Variants in RPGRIP1L observed in about 807,000 individuals in gnomAD.
RPGRIP1L encodes the protein protein fantom.
A neutral mutation model predicts 160.4 loss-of-function variants in RPGRIP1L; 131 were observed. The observed-to-expected ratio is 0.82, with a 90% confidence interval of 0.71 to 0.94. RPGRIP1L has a LOEUF of 0.94. Ranked by LOEUF, RPGRIP1L falls within the 40% of genes least tolerant of loss-of-function variation. The pLI, the probability that RPGRIP1L is intolerant of heterozygous loss-of-function variation, is 0.00. For synonymous variants in RPGRIP1L, 510 were observed against 515.8 expected (o/e 0.99, Z 0.15); for missense variants, 1,522 against 1,535.8 (o/e 0.99, Z 0.15).
At chr16:53,621,251 T>G (rs1174607965) in intron 23 of RPGRIP1L, among the ~76,000 whole-genome samples, 2 of 152,122 alleles carry the variant, frequency 1.3e-5, no homozygotes, top group Non-Finnish European at 2.9e-5. Context: ...TACATGCAAC[T>G]CTTTAAAGTT....
intron 6 of RPGRIP1L, among the ~76,000 whole-genome samples, chr16:53,683,310 C>T (rs1969741674): frequency 6.6e-6 from 1 of 151,534 alleles, no homozygotes; most frequent in African/African-American, 2.4e-5. Flanking sequence ...AAAAAAAAAT[C>T]CAGGGAAATA....
intron 17 of RPGRIP1L, among the ~76,000 whole-genome samples, chr16:53,642,089 C>T (rs1966255901): frequency 6.6e-6 from 1 of 151,976 alleles, no homozygotes. Context: ...ACAAAAGAAA[C>T]TTGAATCTGT....
chr16:53,645,892 C>G lies in RPGRIP1L; in HGVS notation c.2416G>C (p.Ala806Pro). 1 of 1,614,096 alleles carries G rather than the reference C, an allele frequency of 6.2e-7. No homozygotes were observed. The highest frequency in any genetic ancestry group is 8.5e-7 in the Non-Finnish European group (1 of 1,180,022). ...TATGGGTGTGGCTGCAGGTGGCTTG[C>G]TCGGGACTGCAGGTGGTTGCAACAT... ...IRCCNHLQSR[A>P]SHLQPHPYVV... is the part of the protein sequence containing the mutation. The change falls in exon 17 of 27, where the codon GCA becomes CCA. Residue 806 changes from alanine to proline, a missense_variant. Ala to Pro is a conservative substitution (Grantham distance 27). Transcript: ENST00000647211.
chr16:53,642,447 C>T (rs1966286802), intron 17 of RPGRIP1L, among the ~76,000 whole-genome samples: 1 of 151,404 alleles, frequency 6.6e-6, no homozygotes, highest in Non-Finnish European at 1.5e-5. Flanking sequence ...AAAAAAAAAC[C>T]TCCCAAACTC....
chr16:53,679,204 ACC>A (rs796356631), intron 6 of RPGRIP1L, among the ~76,000 whole-genome samples: 1 of 152,088 alleles, frequency 6.6e-6, no homozygotes, highest in African/African-American at 2.4e-5. Context: ...TACTCTTACC[ACC>A]CACAGGAATG....
At chr16:53,602,739 A>G (rs1963447488) in intron 26 of RPGRIP1L, among the ~76,000 whole-genome samples, 1 of 151,510 alleles carries the variant, frequency 6.6e-6, no homozygotes, top group African/African-American at 2.4e-5. Context: ...ATGCCACTGC[A>G]CGCCAGCCTG....
chr16:53,671,680 A>G, intron 8 of RPGRIP1L, 97 bp from the exon 9 acceptor site: 1 of 643,182 alleles, frequency 1.6e-6, no homozygotes, highest in Non-Finnish European at 2.7e-6. Context: ...GAGAAGGTTA[A>G]CATGTTTTAA....
Position 53,602,150 on chromosome 16 carries a change from G to A in RPGRIP1L, c.3874C>T (p.Leu1292Phe), listed in dbSNP as rs761483020. The change falls in exon 27 of 27, where the codon CTC (leucine) becomes TTC (phenylalanine). Residue 1292 changes from leucine to phenylalanine, a missense_variant. Leu to Phe is a conservative substitution (Grantham distance 22). Transcript: ENST00000647211. ...ARADGEGIGK[L>F]RVTVEALHAL... ...TGGAGAGCTTCGACTGTTACCCTGA[G>A]CTTGCCAATACCTTCACCATCTGCT... is the stretch of plus-strand genomic sequence containing the variant. The A allele has an allele frequency of 1.2e-6, 2 of 1,613,926 alleles. No homozygotes were observed. The highest frequency in any genetic ancestry group is 1.7e-6 in the Non-Finnish European group (2 of 1,179,846).
intron 25 of RPGRIP1L, among the ~76,000 whole-genome samples, chr16:53,609,523 G>T (rs1467430577): frequency 6.6e-6 from 1 of 152,040 alleles, no homozygotes; most frequent in African/African-American, 2.4e-5. Context: ...AAAAAATGTT[G>T]TCTCCCAATA....
intron 17 of RPGRIP1L, among the ~76,000 whole-genome samples, chr16:53,644,331 A>T (rs550919594): frequency 1.3e-5 from 2 of 152,270 alleles, no homozygotes; most frequent in South Asian, 4.1e-4. Context: ...AGCCTCAGAG[A>T]CCTGTGGGGA....
At chr16:53,688,877 G>C (rs1463613068) in intron 4 of RPGRIP1L, among the ~76,000 whole-genome samples, 3 of 151,838 alleles carry the variant, frequency 2.0e-5, no homozygotes, top group Admixed American at 6.6e-5. Flanking sequence ...GAATAGAAAA[G>C]GCTCTGCCTA....
intron 24 of RPGRIP1L, among the ~76,000 whole-genome samples, chr16:53,611,920 T>A (rs9922174): frequency 0.39 from 59,631 of 151,850 alleles, 13,611 homozygotes; most frequent in African/African-American, 0.62. Context: ...TAGAGATTAT[T>A]CCTGGCCAAA....
At chr16:53,633,842 T>C (rs1489123456) in intron 22 of RPGRIP1L, among the ~76,000 whole-genome samples, 2 of 152,242 alleles carry the variant, frequency 1.3e-5, no homozygotes, top group Non-Finnish European at 2.9e-5. Flanking sequence ...AAGTTCTTTG[T>C]ACCACTTTTG....
intron 9 of RPGRIP1L, among the ~76,000 whole-genome samples, chr16:53,669,538 A>C (rs1044044351): frequency 2.6e-5 from 4 of 152,092 alleles, no homozygotes; most frequent in African/African-American, 9.6e-5. Context: ...TGGGAAAGTA[A>C]ATATGAGAAA....
chr16:53,603,677 T>TGTGC (rs1963503550), intron 26 of RPGRIP1L, among the ~76,000 whole-genome samples: 1 of 74,322 alleles, frequency 1.3e-5, no homozygotes. Flanking sequence ...AACTTTAATG[T>TGTGC]GTGTGTGTGT....
chr16:53,643,311 A>AT (rs2151070677), intron 17 of RPGRIP1L, among the ~76,000 whole-genome samples: 1 of 135,130 alleles, frequency 7.4e-6, no homozygotes, highest in South Asian at 2.4e-4. Flanking sequence ...CCATCTAAAA[A>AT]AAAAAAAAAA....
intron 22 of RPGRIP1L, among the ~76,000 whole-genome samples, chr16:53,623,456 T>C (rs1964873045): frequency 6.6e-6 from 1 of 152,236 alleles, no homozygotes; most frequent in African/African-American, 2.4e-5. Context: ...CAGAATTCTC[T>C]TCCTAAAAAC....
chr16:53,604,749 G>C (rs1292421115), intron 26 of RPGRIP1L, among the ~76,000 whole-genome samples: 1 of 152,136 alleles, frequency 6.6e-6, no homozygotes, highest in Non-Finnish European at 1.5e-5. Context: ...CCTTGAGAAA[G>C]ACATTATCAG....
intron 3 of RPGRIP1L, chr16:53,693,532 T>G (rs1335366770): frequency 6.6e-6 from 1 of 152,226 alleles, no homozygotes; most frequent in East Asian, 1.9e-4. Flanking sequence ...GGGAGAGCTA[T>G]GCATAACATA....
Sources: allele counts gnomAD v4.1 joint callset (sites outside exome capture counted in the v4.1 genomes callset), GRCh38; gene constraint gnomAD v4.1.1; transcripts MANE v1.5; gene names NCBI Gene and HGNC (gene_info 2026-07-23, HGNC 2026-07-21).